ASB15: variants seen among roughly 807,000 people sequenced by gnomAD.
ASB15 encodes ankyrin repeat and SOCS box containing 15.
ASB15 carries 54 observed loss-of-function variants against 58.0 expected under a neutral mutation model. The observed-to-expected ratio is 0.93, with a 90% CI of 0.75 to 1.17. ASB15 has a LOEUF of 1.17. Among genes scored for constraint, ASB15 ranks in the 50% most tolerant of loss-of-function variants. ASB15 has a pLI of 0.00. For missense variants in ASB15, 680 were observed against 707.4 expected, an observed-to-expected ratio of 0.96 and a Z score of 0.44; for synonymous variants, 249 against 262.4, an observed-to-expected ratio of 0.95 and a Z score of 0.50.
chr7:123,588,750 C>T (rs142239007), intron 1 of ASB15, among the ~76,000 whole-genome samples: 26 of 151,480 alleles, frequency 1.7e-4, no homozygotes, highest in African/African-American at 5.8e-4. Flanking sequence ...CTACATCTTG[C>T]GAGTTTGGGT....
Position 123,637,704 on chromosome 7 carries a change from G to C in ASB15, c.*723G>C. 1 of 151,192 alleles carries C rather than the reference G, an allele frequency of 6.6e-6. No homozygotes were observed. The highest frequency in any genetic ancestry group is 1.5e-5 in the Non-Finnish European group (1 of 67,868). 9.4% of individuals were successfully genotyped at this position (151,192 alleles called of 1,614,324 possible). A position where few individuals can be genotyped will look rare whatever the true frequency, so the allele number is the denominator to read the frequency against. ...ATATATCCTAAGCCCTCTTTGCTTT[G>C]TTCTCTGGGATATTTTATCCACATC... On this transcript the variant is annotated 3_prime_UTR_variant, in exon 12 of 12. Coordinates refer to ENST00000451215, the MANE Select transcript of ASB15 (RefSeq NM_001290258.2).
intron 1 of ASB15, among the ~76,000 whole-genome samples, chr7:123,589,575 G>C (rs1454001159): frequency 6.6e-6 from 1 of 151,948 alleles, no homozygotes; most frequent in Non-Finnish European, 1.5e-5. Context: ...GCTGTGTTTG[G>C]TTTTATGTCC....
chr7:123,624,556 A>G lies in ASB15; in HGVS notation c.452-13A>G. The stretch of plus-strand genomic sequence containing the variant: ...TAATATACTTACTGTTGTTTTTAAC[A>G]ATCATTTTCAAGCTGTGAAAAAGGG... On this transcript the variant is annotated splice_polypyrimidine_tract_variant and intron_variant, in intron 7 of 11. Transcript: ENST00000451215. 3 of 1,607,398 alleles carry G rather than the reference A, an allele frequency of 1.9e-6. No homozygotes were observed. The highest frequency in any genetic ancestry group is 2.6e-6 in the Non-Finnish European group (3 of 1,174,134).
intron 3 of ASB15, chr7:123,614,235 T>C (rs1355144698): frequency 5.7e-6 from 2 of 348,458 alleles, no homozygotes; most frequent in Admixed American, 1.0e-4. Flanking sequence ...CTGCAGTCAT[T>C]ACTGAAAAAA....
intron 1 of ASB15, among the ~76,000 whole-genome samples, chr7:123,572,131 CTTTTTTTTT>C (rs61198371): frequency 7.7e-4 from 37 of 47,996 alleles, no homozygotes; most frequent in Admixed American, 2.7e-3. Context: ...TGTAGAATTT[CTTTTTTTTT>C]TTTTTTTTTT....
At chr7:123,579,669 G>A (rs956371398) in intron 1 of ASB15, among the ~76,000 whole-genome samples, 2 of 152,038 alleles carry the variant, frequency 1.3e-5, no homozygotes, top group African/African-American at 4.8e-5. Flanking sequence ...AACTCCTTCT[G>A]CTCCTGGGAG....
chr7:123,594,594 T>A (rs1327620421), intron 1 of ASB15, among the ~76,000 whole-genome samples: 1 of 152,188 alleles, frequency 6.6e-6, no homozygotes, highest in Non-Finnish European at 1.5e-5. Context: ...CCTGTTTGCC[T>A]AGGTATCACC....
At chr7:123,592,441 C>T (rs13242611) in intron 1 of ASB15, among the ~76,000 whole-genome samples, 111,442 of 152,110 alleles carry the variant, frequency 0.73, 40,984 homozygotes, top group African/African-American at 0.8. Context: ...AATTTCCCTC[C>T]ACACACTGCT....
At position 123,637,878 on chromosome 7, in the gene ASB15, T is replaced by TAAAAAAACAAAAAAAAAAAAAAAA. The variant is rs1802499330; in HGVS notation, c.*904_*905insCAAAAAAAAAAAAAAAAAAAAAAA. 1 of 52,468 alleles carries TAAAAAAACAAAAAAAAAAAAAAAA rather than the reference T, an allele frequency of 1.9e-5. No individual in the cohort carries two copies. Among genetic ancestry groups the TAAAAAAACAAAAAAAAAAAAAAAA allele is most frequent in the Non-Finnish European group, 3.7e-5 (1 of 26,694 alleles). 3.3% of individuals were successfully genotyped at this position (52,468 alleles called of 1,614,324 possible). On this transcript the variant is annotated 3_prime_UTR_variant, in exon 12 of 12. Coordinates refer to ENST00000451215, the MANE Select transcript of ASB15 (RefSeq NM_001290258.2). ...AAATTCAACATGTCCCCAGATGAAC[T>TAAAAAAACAAAAAAAAAAAAAAAA]AAAAAAAAAAAAAAAAAAAAAACCT...
At chr7:123,575,020 G>T (rs1376895387) in intron 1 of ASB15, among the ~76,000 whole-genome samples, 1 of 149,140 alleles carries the variant, frequency 6.7e-6, no homozygotes, top group Admixed American at 6.7e-5. Flanking sequence ...CCTAAGCAAT[G>T]AGTTAGGCTT....
chr7:123,572,224 C>T (rs1211520324), intron 1 of ASB15, among the ~76,000 whole-genome samples: 4 of 139,768 alleles, frequency 2.9e-5, no homozygotes, highest in Non-Finnish European at 4.5e-5. Flanking sequence ...TCACTGCAAC[C>T]TCTGCCTCCT....
chr7:123,611,962 G>C (rs936948568), intron 3 of ASB15, among the ~76,000 whole-genome samples: 2 of 148,678 alleles, frequency 1.3e-5, no homozygotes, highest in African/African-American at 5.1e-5. Context: ...CTTTGTGATA[G>C]TAGGAGAAAA....
intron 7 of ASB15, among the ~76,000 whole-genome samples, chr7:123,620,994 CT>C (rs1177058096): frequency 7.2e-5 from 11 of 152,142 alleles, no homozygotes; most frequent in Non-Finnish European, 1.6e-4. Context: ...TACTGCTTCA[CT>C]TTGCAAATAC....
intron 3 of ASB15, chr7:123,614,299 T>C (rs868281820): frequency 3.9e-5 from 18 of 466,132 alleles, no homozygotes; most frequent in African/African-American, 4.1e-5. Context: ...TCATTAAAGG[T>C]TTCAACAGTT....
At chr7:123,602,436 T>G (rs530155504) in intron 1 of ASB15, among the ~76,000 whole-genome samples, 27 of 152,154 alleles carry the variant, frequency 1.8e-4, no homozygotes, top group South Asian at 1.2e-3. Flanking sequence ...TCACAAAATC[T>G]AAAGGTTGGA....
At chr7:123,629,881 A>T (rs751522953) in intron 10 of ASB15, 85 bp from the exon 11 acceptor site, 7 of 972,028 alleles carry the variant, frequency 7.2e-6, no homozygotes, top group Non-Finnish European at 9.0e-6. Context: ...GTAGTAAAAC[A>T]GAGTAATTTT....
At chr7:123,593,954 A>T (rs1280952867) in intron 1 of ASB15, among the ~76,000 whole-genome samples, 3 of 151,942 alleles carry the variant, frequency 2.0e-5, no homozygotes, top group Non-Finnish European at 4.4e-5. Flanking sequence ...ATAGTCCCAT[A>T]TTTCTTGGAG....
At chr7:123,602,332 T>G (rs1288028839) in intron 1 of ASB15, among the ~76,000 whole-genome samples, 1 of 152,154 alleles carries the variant, frequency 6.6e-6, no homozygotes, top group Admixed American at 6.6e-5. Flanking sequence ...AAAAGATGAA[T>G]GCTTTCTGCC....
At chr7:123,618,986 C>T (rs187979620) in intron 7 of ASB15, among the ~76,000 whole-genome samples, 63 of 151,930 alleles carry the variant, frequency 4.1e-4, no homozygotes, top group Middle Eastern at 3.4e-3. Context: ...CCAGCCTGGC[C>T]AGCATGGTGA....
Sources: allele counts gnomAD v4.1 joint callset (sites outside exome capture counted in the v4.1 genomes callset), GRCh38; gene constraint gnomAD v4.1.1; transcripts MANE v1.5; gene names NCBI Gene and HGNC (gene_info 2026-07-23, HGNC 2026-07-21).